PUS3: variants seen among roughly 807,000 people sequenced by gnomAD.
The protein encoded by PUS3 is pseudouridine synthase 3, also known as tRNA pseudouridine(38/39) synthase.
PUS3 carries 36 observed loss-of-function variants against 43.3 expected under a neutral mutation model. The ratio of observed to expected loss-of-function variants is 0.83; its 90% CI spans 0.64 to 1.10. The LOEUF (loss-of-function observed/expected upper bound fraction) is 1.10. Ranked by LOEUF, PUS3 falls within the 50% of genes least tolerant of loss-of-function variation. The pLI, the probability that PUS3 is intolerant of heterozygous loss-of-function variation, is 0.00. For missense variants in PUS3, 544 were observed against 589.9 expected, an observed-to-expected ratio of 0.92 and a Z score of 0.81; for synonymous variants, 183 against 199.2, an observed-to-expected ratio of 0.92 and a Z score of 0.69.
chr11:125,894,077 A>T lies in PUS3; in HGVS notation c.1154T>A (p.Met385Lys). The T allele has an allele frequency of 6.2e-7, 1 of 1,614,188 alleles. No individual in the cohort carries two copies. The highest frequency in any genetic ancestry group is 8.5e-7 in the Non-Finnish European group (1 of 1,180,026). The change falls in exon 4 of 4, where the codon ATG becomes AAG. Residue 385 changes from methionine to lysine, a missense_variant. Coordinates refer to ENST00000227474, the MANE Select transcript of PUS3 (RefSeq NM_031307.4). ...PCGIGPKMDG[M>K]TEWGNVKPSV... ...GGGCTTAACATTTCCCCATTCTGTC[A>T]TTCCATCCATCTTTGGTCCTATTCC...
At chr11:125,896,883 G>A (rs557727815) in intron 1 of PUS3, among the ~76,000 whole-genome samples, 2 of 152,242 alleles carry the variant, frequency 1.3e-5, no homozygotes, top group South Asian at 4.2e-4. Flanking sequence ...TTTCACATTG[G>A]AAGTAGAAGC....
chr11:125,902,141 CT>C (rs1027053849), intron 1 of PUS3, among the ~76,000 whole-genome samples: 1 of 152,136 alleles, frequency 6.6e-6, no homozygotes, highest in African/African-American at 2.4e-5. Flanking sequence ...CACTACAGTG[CT>C]TTTTCCAGCA....
intron 3 of PUS3, among the ~76,000 whole-genome samples, 170 bp downstream of exon 3, chr11:125,895,051 CTTT>C (rs11384524): frequency 8.5e-5 from 12 of 142,010 alleles, no homozygotes; most frequent in Admixed American, 7.8e-4. Flanking sequence ...TATGCTATTT[CTTT>C]TTTTTTTTTT....
At position 125,896,221 on chromosome 11, in the gene PUS3, C is replaced by A; in HGVS notation, c.64G>T (p.Glu22Ter). 2 of 1,614,094 alleles carry A rather than the reference C, an allele frequency of 1.2e-6. No homozygotes were observed. Among genetic ancestry groups the A allele is most frequent in the Non-Finnish European group, 1.7e-6 (2 of 1,179,970 alleles). The change falls in exon 2 of 4, where the codon GAG becomes TAG. Residue 22 changes from glutamate to a stop codon, truncating the protein, a stop_gained. Coordinates refer to ENST00000227474, the MANE Select transcript of PUS3 (RefSeq NM_031307.4). LOFTEE classifies it high-confidence loss of function. ...TTTTTAAGTCTTTGCACCTCTTGCT[C>A]CAGTTCTCGTACTCTTTTTAGGAGC... Reference protein sequence around the residue: ...EKLLKRVRELEQEVQRLKKEQ... With the variant: ...EKLLKRVREL
At position 125,893,899 on chromosome 11, in the gene PUS3, C is replaced by T. The variant is rs767368883; in HGVS notation, c.1332G>A (p.Glu444=). The T allele has an allele frequency of 1.2e-6, 2 of 1,614,128 alleles. No homozygotes were observed. The highest frequency in any genetic ancestry group is 1.7e-6 in the Non-Finnish European group (2 of 1,180,014). ...AGTCCCTTTTGGCTTTTGTTTCTTC[C>T]TCATGGAATAAATGTGGGTGCTCAA... is the stretch of plus-strand genomic sequence containing the variant. ...GRIEHPHLFH[E]EETKAKRDCN... Residue 444 remains glutamate, a synonymous_variant, in exon 4 of 4, where the codon GAG becomes GAA. Coordinates refer to ENST00000227474, the MANE Select transcript of PUS3 (RefSeq NM_031307.4).
rs144531835 is a variant in PUS3, at chr11:125,895,254, A to G, written c.914T>C (p.Ile305Thr). The change falls in exon 3 of 4, where the codon ATA (isoleucine) becomes ACA (threonine). Residue 305 changes from isoleucine (I) to threonine (T), a missense_variant. Physicochemically the swap from Ile to Thr is moderately conservative, Grantham distance 89. Coordinates refer to ENST00000227474, the MANE Select transcript of PUS3 (RefSeq NM_031307.4). ...TTGAGGCTTTTGGGGATTTTTCTCT[A>G]TATTCAGCAGCTCATCAATAATCTC... ...KPEIIDELLN[I>T]EKNPQKPQYS... 9 of 1,600,640 alleles carry G rather than the reference A, an allele frequency of 5.6e-6. No homozygotes were observed. The highest frequency in any genetic ancestry group is 5.3e-5 in the Admixed American group (3 of 56,888).
In PUS3 at chr11:125,900,080, C is replaced by T. The variant is rs367894289; in HGVS notation, c.-47+3090G>A. The T allele has an allele frequency of 4.6e-5, 74 of 1,614,026 alleles. No homozygotes were observed. The highest frequency in any genetic ancestry group is 5.8e-5 in the Non-Finnish European group (68 of 1,180,038). On this transcript the variant is annotated intron_variant, in intron 1 of 3. Transcript: ENST00000227474. The stretch of plus-strand genomic sequence containing the variant: ...TGGTGAAGATCATAGAAAGGAATTA[C>T]GCTGGGGTGTCCGAGAGCAGATGCT...
chr11:125,895,620 C>T lies in PUS3; in HGVS notation c.548G>A (p.Ser183Asn). The change falls in exon 3 of 4, where the codon AGC (serine) becomes AAC (asparagine). Residue 183 changes from serine to asparagine, a missense_variant. Coordinates refer to ENST00000227474, the MANE Select transcript of PUS3 (RefSeq NM_031307.4). ...AAGGCAGCTGAACCTAGCACTGAAGCTTGGTTCTACAGGGGCCCAGGCCAA... is the reference window on the plus strand; with the variant it reads ...AAGGCAGCTGAACCTAGCACTGAAGTTTGGTTCTACAGGGGCCCAGGCCAA... ...RILAWAPVEP[S>N]FSARFSCLER... 6.2e-7 allele frequency: 1 copy of T among 1,614,256 alleles called. No homozygotes were observed. Among genetic ancestry groups the T allele is most frequent in the Non-Finnish European group, 8.5e-7 (1 of 1,180,042 alleles).
intron 1 of PUS3, among the ~76,000 whole-genome samples, chr11:125,901,683 T>A (rs1591510332): frequency 6.6e-6 from 1 of 152,206 alleles, no homozygotes; most frequent in African/African-American, 2.4e-5. Context: ...AAAGAAGTAA[T>A]CAATGACTCA....
intron 1 of PUS3, among the ~76,000 whole-genome samples, chr11:125,901,060 T>TA (rs1329115678): frequency 6.7e-6 from 1 of 149,808 alleles, no homozygotes; most frequent in Admixed American, 6.6e-5. Flanking sequence ...TACATAGTCC[T>TA]AAAGGATGGG....
At chr11:125,899,268 A>C in intron 1 of PUS3, 1 of 1,013,382 alleles carries the variant, frequency 9.9e-7, no homozygotes, top group Non-Finnish European at 1.5e-6. Context: ...ACTGCTATAA[A>C]ACGGAGATAA....
chr11:125,902,288 C>T (rs916630360), intron 1 of PUS3, among the ~76,000 whole-genome samples: 2 of 151,422 alleles, frequency 1.3e-5, no homozygotes, highest in Non-Finnish European at 2.9e-5. Flanking sequence ...ACTAAAACGG[C>T]CATCACCAGA....
intron 1 of PUS3, among the ~76,000 whole-genome samples, chr11:125,901,023 A>G (rs1339898608): frequency 6.6e-6 from 1 of 151,898 alleles, no homozygotes; most frequent in African/African-American, 2.4e-5. Context: ...AAAAAAAAAA[A>G]AAAAGAAGGA....
Position 125,895,373 on chromosome 11 carries a change from A to C in PUS3, c.795T>G (p.Cys265Trp), listed in dbSNP as rs1486161519. The change falls in exon 3 of 4, where the codon TGT becomes TGG. Residue 265 changes from cysteine (C) to tryptophan (W), a missense_variant. Physicochemically the swap from Cys to Trp is radical, Grantham distance 215. Coordinates refer to ENST00000227474, the MANE Select transcript of PUS3 (RefSeq NM_031307.4). Reference protein sequence around the residue: ...EGRWQEPFQLCQFEVTGQAFL... With the variant: ...EGRWQEPFQLWQFEVTGQAFL... ...ATGCCTGGCCAGTCACTTCAAACTG[A>C]CATAACTGGAAAGGTTCTTGCCATC... The C allele has an allele frequency of 1.2e-6, 2 of 1,614,018 alleles. No individual in the cohort carries two copies. Among genetic ancestry groups the C allele is most frequent in the Non-Finnish European group, 1.7e-6 (2 of 1,180,016 alleles).
intron 1 of PUS3, chr11:125,900,527 G>A (rs1310720735): frequency 2.1e-6 from 1 of 481,080 alleles, no homozygotes; most frequent in African/African-American, 2.0e-5. Flanking sequence ...TGTCAAATTA[G>A]TAAGGGCCCT....
chr11:125,893,639 T>G lies in PUS3; in HGVS notation c.*146A>C. 1 of 639,964 alleles carries G rather than the reference T, an allele frequency of 1.6e-6. No homozygotes were observed. 39.6% of individuals were successfully genotyped at this position (639,964 alleles called of 1,614,324 possible). A position where few individuals can be genotyped will look rare whatever the true frequency, so the allele number is the denominator to read the frequency against. ...TTTCTTATTAAAGCAATAACTTCCT[T>G]AATAGGGCTTTAGTCTTTTTGCTTT... On this transcript the variant is annotated 3_prime_UTR_variant, in exon 4 of 4. Transcript: ENST00000227474.
Position 125,896,168 on chromosome 11 carries a change from T to C in PUS3, c.117A>G (p.Ser39=), listed in dbSNP as rs760930669. The C allele has an allele frequency of 1.5e-5, 24 of 1,614,228 alleles. No individual in the cohort carries two copies. The highest frequency in any genetic ancestry group is 2.0e-5 in the Non-Finnish European group (24 of 1,180,036). Residue 39 remains serine, a synonymous_variant, in exon 2 of 4, where the codon TCA becomes TCG. Coordinates refer to ENST00000227474, the MANE Select transcript of PUS3 (RefSeq NM_031307.4). ...CTCCTGCTGAATTTTCTCTAATGTT[T>C]GAGTCCTCCTTATTTTTGGCCTGTT... is the stretch of plus-strand genomic sequence containing the variant. ...KKEQAKNKED[S]NIRENSAGAG...
In PUS3 at chr11:125,896,092, C is replaced by T. The variant is rs1591502176; in HGVS notation, c.193G>A (p.Val65Ile). 6 of 1,614,180 alleles carry T rather than the reference C, an allele frequency of 3.7e-6. No individual in the cohort carries two copies. Among genetic ancestry groups the T allele is most frequent in the Non-Finnish European group, 5.1e-6 (6 of 1,180,038 alleles). ...CCCATATAGGCTATTCTTAGGGCTA[C>T]GTGTCTTCGGCCATGAGCACTGAAA... ...FDFSAHGRRH[V>I]ALRIAYMGWG... is the part of the protein sequence containing the mutation. Residue 65 changes from valine (V) to isoleucine (I), a missense_variant, in exon 2 of 4, where the codon GTA becomes ATA. Coordinates refer to ENST00000227474, the MANE Select transcript of PUS3 (RefSeq NM_031307.4).
intron 1 of PUS3, 114 bp from the exon 2 acceptor site, chr11:125,896,444 A>G (rs552750): frequency 0.84 from 597,174 of 711,474 alleles, 252,471 homozygotes; most frequent in East Asian, 0.9. Flanking sequence ...CTTTTCCAGG[A>G]ATACAAGCAT....
Sources: gnomAD v4.1 joint callset for allele counts (sites outside exome capture counted in the v4.1 genomes callset) on GRCh38, gnomAD v4.1.1 for gene constraint, MANE v1.5 for transcripts, NCBI Gene and HGNC (gene_info 2026-07-23, HGNC 2026-07-21) for gene names.